P2RX5: variants seen among roughly 807,000 people sequenced by gnomAD.
P2RX5 encodes purinergic receptor P2X 5.
Under a neutral mutation model 54.1 loss-of-function variants are expected in P2RX5, and 46 were observed. The observed-to-expected ratio is 0.85, with a 90% CI of 0.67 to 1.09. The LOEUF is 1.09. P2RX5 is among the 50% of genes least tolerant of loss of function. P2RX5 has a pLI of 0.00. For synonymous variants in P2RX5, 226 were observed against 226.4 expected, an observed-to-expected ratio of 1.00 and a Z score of 0.02; for missense variants, 566 against 549.8, an observed-to-expected ratio of 1.03 and a Z score of -0.29.
chr17:3,711,625 G>A, the P2RX5 span, among the ~76,000 whole-genome samples: 1 of 151,930 alleles, frequency 6.6e-6, no homozygotes, highest in Non-Finnish European at 1.5e-5. Context: ...CAGGTGATCT[G>A]CCCACGTCGG....
At chr17:3,701,766 T>G in the P2RX5 span, among the ~76,000 whole-genome samples, 26 of 145,854 alleles carry the variant, frequency 1.8e-4, no homozygotes, top group East Asian at 1.9e-3. Flanking sequence ...TTTTTGTTTT[T>G]TTTTTTTAAG....
At chr17:3,677,857 C>T (rs969460912) in intron 11 of P2RX5, 1 of 985,438 alleles carries the variant, frequency 1.0e-6, no homozygotes, top group Non-Finnish European at 1.2e-6. Context: ...GACACCTGCT[C>T]CAGGGACTCC....
At position 3,684,834 on chromosome 17, in the gene P2RX5, CCTTTT is replaced by C. The variant is rs1404349650; in HGVS notation, c.982-2861_982-2857del. ...AACTGTCTGCAGCCTAATCCTGCCC[CCTTTT>C]TTTTTTTTTTTTTTTTTTTTTTGGA... On this transcript the variant is annotated intron_variant, in intron 9 of 11. Coordinates refer to ENST00000225328, the MANE Select transcript of P2RX5 (RefSeq NM_002561.4). 2.3e-4 allele frequency among the ~76,000 whole-genome samples: 28 copies of C among 122,974 alleles called. 2 individuals are homozygous for C. The East Asian group carries it at 6.5e-3, about 28-fold the overall frequency. 80.7% of individuals were successfully genotyped at this position (122,974 alleles called of 152,430 possible). A position where few individuals can be genotyped will look rare whatever the true frequency, so the allele number is the denominator to read the frequency against.
the P2RX5 span, among the ~76,000 whole-genome samples, chr17:3,715,269 C>T: frequency 1.3e-5 from 2 of 152,114 alleles, no homozygotes; most frequent in African/African-American, 4.8e-5. Context: ...TCAGTATAGC[C>T]TATGATGCTG....
Position 3,683,471 on chromosome 17 carries a change from G to A in P2RX5, c.982-1493C>T, listed in dbSNP as rs56845517. On this transcript the variant is annotated intron_variant, in intron 9 of 11. Coordinates refer to ENST00000225328, the MANE Select transcript of P2RX5 (RefSeq NM_002561.4). ...GAATGGGCTGGGCGCAGTGGCTCAC[G>A]CCTGTGATCCCAGCACTGGGAGGCC... 1.1e-3 allele frequency among the ~76,000 whole-genome samples: 170 copies of A among 152,338 alleles called. 4 individuals are homozygous for A. The East Asian group carries it at 0.027, about 24-fold the overall frequency.
At chr17:3,689,400 C>G (rs542483612) in intron 7 of P2RX5, 92 bp downstream of exon 7, 1 of 1,473,246 alleles carries the variant, frequency 6.8e-7, no homozygotes, top group Admixed American at 1.8e-5. Flanking sequence ...CACCCTCGCC[C>G]CACGAGTCCC....
At chr17:3,720,628 CTGGAG>C in the P2RX5 span, 1 of 364,370 alleles carries the variant, frequency 2.7e-6, no homozygotes, top group Non-Finnish European at 5.0e-6. Context: ...TTCGCCCAGG[CTGGAG>C]TGAAGTGGTG....
At chr17:3,689,690 C>T (rs927514874) in intron 6 of P2RX5, 60 bp from the exon 7 acceptor site, 2 of 1,608,950 alleles carry the variant, frequency 1.2e-6, no homozygotes, top group African/African-American at 2.7e-5. Flanking sequence ...CCCGGCCTGG[C>T]CAGGAGTCAC....
At chr17:3,703,296 G>T in the P2RX5 span, among the ~76,000 whole-genome samples, 85 of 152,286 alleles carry the variant, frequency 5.6e-4, no homozygotes, top group African/African-American at 1.9e-3. Context: ...CTTGACCCCA[G>T]GAGTTAGAGA....
chr17:3,701,165 G>A (rs1312657437), upstream of P2RX5, among the ~76,000 whole-genome samples: 1 of 152,230 alleles, frequency 6.6e-6, no homozygotes, highest in Non-Finnish European at 1.5e-5. Context: ...TAGGCACAAG[G>A]ACGGCTTTGA....
Position 3,689,537 on chromosome 17 carries a change from G to C in P2RX5, c.708C>G (p.Ser236=). The C allele has an allele frequency of 6.2e-7, 1 of 1,614,182 alleles. No homozygotes were observed. Among genetic ancestry groups the C allele is most frequent in the Non-Finnish European group, 8.5e-7 (1 of 1,180,036 alleles). Reference sequence around the variant, plus strand: ...AGTCGCTCCCGGCCCAGCGGATCACGGAGCCCAGTCGGAAGATGGGGCAGT... The same window carrying C: ...AGTCGCTCCCGGCCCAGCGGATCACCGAGCCCAGTCGGAAGATGGGGCAGT... ...NHYCPIFRLG[S]VIRWAGSDFQ... Residue 236 remains serine, a synonymous_variant, in exon 7 of 12, where the codon TCC becomes TCG. Coordinates refer to ENST00000225328, the MANE Select transcript of P2RX5 (RefSeq NM_002561.4).
Position 3,689,517 on chromosome 17 carries a change from C to G in P2RX5, c.728G>C (p.Ser243Thr). ...RLGSVIRWAG[S>T]DFQDIALEGG... Reference sequence around the variant, plus strand: ...CTCCAGGGCTATATCCTGGAAGTCGCTCCCGGCCCAGCGGATCACGGAGCC... The same window carrying G: ...CTCCAGGGCTATATCCTGGAAGTCGGTCCCGGCCCAGCGGATCACGGAGCC... Residue 243 changes from serine to threonine, a missense_variant, in exon 7 of 12, where the codon AGC (serine) becomes ACC (threonine). Transcript: ENST00000225328. 1 of 1,614,190 alleles carries G rather than the reference C, an allele frequency of 6.2e-7. No homozygotes were observed. Among genetic ancestry groups the G allele is most frequent in the Non-Finnish European group, 8.5e-7 (1 of 1,180,036 alleles).
chr17:3,719,830 C>T, the P2RX5 span, among the ~76,000 whole-genome samples: 666 of 152,052 alleles, frequency 4.4e-3, 8 homozygotes, highest in African/African-American at 0.015. Flanking sequence ...CAGATTCAAG[C>T]GATTCTCGTG....
At chr17:3,720,413 G>A in the P2RX5 span, 1 of 1,249,966 alleles carries the variant, frequency 8.0e-7, no homozygotes, top group East Asian at 2.3e-5. Context: ...CTAGAAGATG[G>A]GGAAAGGAAT....
At chr17:3,714,862 G>A in the P2RX5 span, 4 of 1,605,394 alleles carry the variant, frequency 2.5e-6, no homozygotes, top group Admixed American at 1.7e-5. Context: ...TCTCTTCTTC[G>A]AGCAGATTCT....
At chr17:3,710,442 TAAATA>T in the P2RX5 span, among the ~76,000 whole-genome samples, 3 of 151,256 alleles carry the variant, frequency 2.0e-5, no homozygotes, top group African/African-American at 7.3e-5. Context: ...AATAAATAAA[TAAATA>T]AATTAATAAA....
intron 5 of P2RX5, 115 bp from the exon 6 acceptor site, chr17:3,690,265 A>T (rs1164232976): frequency 2.5e-6 from 3 of 1,202,840 alleles, no homozygotes; most frequent in East Asian, 4.7e-5. Context: ...TGCCCAGGAC[A>T]GTTAATTTGC....
In P2RX5 at chr17:3,688,732, A is replaced by G. The variant is rs1205979904; in HGVS notation, c.781T>C (p.Trp261Arg). The change falls in exon 8 of 12, where the codon TGG (tryptophan) becomes CGG (arginine). Residue 261 changes from tryptophan to arginine, a missense_variant. By Grantham distance (101) the Trp-to-Arg change is moderately radical (BLOSUM62 -3). Coordinates refer to ENST00000225328, the MANE Select transcript of P2RX5 (RefSeq NM_002561.4). ...GCAGCTTTATCAAGATCACAGTTCC[A>G]TTCAATATTAATTCCTATCACGCCA... Reference protein sequence around the residue: ...EGGVIGINIEWNCDLDKAASE... With the variant: ...EGGVIGINIERNCDLDKAASE... 6.2e-7 allele frequency: 1 copy of G among 1,614,032 alleles called. No homozygotes were observed. Among genetic ancestry groups the G allele is most frequent in the South Asian group, 1.1e-5 (1 of 91,086 alleles).
rs1193432150 is a variant in P2RX5, at chr17:3,675,043, AT to A, written c.1260-1167del. On this transcript the variant is annotated intron_variant, in intron 11 of 11. Coordinates refer to ENST00000225328, the MANE Select transcript of P2RX5 (RefSeq NM_002561.4). ...AAGGAATGACTAACTGTAGGAAGAC[AT>A]TTTCCTTTTTCTAGAGACGGAGTCT... 1.6e-4 allele frequency among the ~76,000 whole-genome samples: 25 copies of A among 152,214 alleles called. 1 individual carries two copies. In the South Asian group the frequency reaches 4.8e-3, roughly 29 times the overall value.
Sources: gnomAD v4.1 joint callset for allele counts (sites outside exome capture counted in the v4.1 genomes callset) on GRCh38, gnomAD v4.1.1 for gene constraint, MANE v1.5 for transcripts, NCBI Gene and HGNC (gene_info 2026-07-23, HGNC 2026-07-21) for gene names.